LOC128092253: variants seen among roughly 807,000 people sequenced by gnomAD.
chr6:133,963,289 G>A, the LOC128092253 span, among the ~76,000 whole-genome samples: 1 of 152,198 alleles, frequency 6.6e-6, no homozygotes, highest in South Asian at 2.1e-4. Context: ...CAACCCAGTC[G>A]TTCTCAACTG....
At chr6:133,977,730 G>A in the LOC128092253 span, among the ~76,000 whole-genome samples, 1 of 152,098 alleles carries the variant, frequency 6.6e-6, no homozygotes, top group Admixed American at 6.5e-5. Context: ...ATACTCATGA[G>A]GTCTAGAATT....
the LOC128092253 span, among the ~76,000 whole-genome samples, chr6:133,959,103 C>G: frequency 6.6e-6 from 1 of 151,850 alleles, no homozygotes. Context: ...GCGGTGGTGG[C>G]ATCTCAGCTC....
the LOC128092253 span, among the ~76,000 whole-genome samples, chr6:133,956,949 A>G: frequency 6.6e-6 from 1 of 152,198 alleles, no homozygotes; most frequent in East Asian, 1.9e-4. Flanking sequence ...TGATTTTTGT[A>G]TTATTAACCA....
chr6:133,968,454 C>T, the LOC128092253 span, among the ~76,000 whole-genome samples: 5 of 152,146 alleles, frequency 3.3e-5, no homozygotes, highest in African/African-American at 1.2e-4. Flanking sequence ...TTTCCTTTAT[C>T]CACAATAGTA....
chr6:133,956,502 G>T, the LOC128092253 span, among the ~76,000 whole-genome samples: 1 of 152,160 alleles, frequency 6.6e-6, no homozygotes, highest in East Asian at 1.9e-4. Context: ...CACTATTGGT[G>T]AATGGACTTC....
At chr6:133,971,635 G>A in the LOC128092253 span, among the ~76,000 whole-genome samples, 1 of 152,024 alleles carries the variant, frequency 6.6e-6, no homozygotes, top group East Asian at 1.9e-4. Flanking sequence ...TCTACCTGGA[G>A]TGAGGTGGTA....
chr6:133,958,982 C>A, the LOC128092253 span, among the ~76,000 whole-genome samples: 4 of 152,012 alleles, frequency 2.6e-5, no homozygotes, highest in Admixed American at 1.3e-4. Context: ...GACTGTTGCA[C>A]CAAATAGATA....
At chr6:133,975,835 GTTGTA>G in the LOC128092253 span, among the ~76,000 whole-genome samples, 1 of 152,184 alleles carries the variant, frequency 6.6e-6, no homozygotes, top group Non-Finnish European at 1.5e-5. Flanking sequence ...GGAGGCATCA[GTTGTA>G]TTGTAATGTT....
chr6:133,968,011 C>CTTT, the LOC128092253 span, among the ~76,000 whole-genome samples: 22 of 136,088 alleles, frequency 1.6e-4, no homozygotes, highest in African/African-American at 5.6e-4. Context: ...TGACTATTTT[C>CTTT]TTTTTTTTTT....
At chr6:133,958,213 G>C in the LOC128092253 span, among the ~76,000 whole-genome samples, 1 of 152,130 alleles carries the variant, frequency 6.6e-6, no homozygotes, top group African/African-American at 2.4e-5. Flanking sequence ...TTAGCTGTAT[G>C]ATACTTCTGA....
At chr6:133,976,891 C>T in the LOC128092253 span, among the ~76,000 whole-genome samples, 1 of 151,598 alleles carries the variant, frequency 6.6e-6, no homozygotes, top group Non-Finnish European at 1.5e-5. Context: ...TTGCTTGAAT[C>T]CAGGAGGCGG....
At chr6:133,973,093 G>T in the LOC128092253 span, among the ~76,000 whole-genome samples, 1 of 152,218 alleles carries the variant, frequency 6.6e-6, no homozygotes, top group Non-Finnish European at 1.5e-5. Context: ...CTAGGCATGT[G>T]TTGAGAGACT....
At chr6:133,968,312 A>C in the LOC128092253 span, among the ~76,000 whole-genome samples, 2 of 152,200 alleles carry the variant, frequency 1.3e-5, no homozygotes, top group Non-Finnish European at 2.9e-5. Context: ...ATACTTAGAC[A>C]GTTTATCTGA....
the LOC128092253 span, among the ~76,000 whole-genome samples, chr6:133,972,876 C>A: frequency 1.3e-5 from 2 of 152,098 alleles, no homozygotes; most frequent in African/African-American, 4.8e-5. Context: ...CTTAAAAGCA[C>A]CCTGTGAGGT....
the LOC128092253 span, among the ~76,000 whole-genome samples, chr6:133,971,522 A>G: frequency 0.01 from 1,551 of 152,250 alleles, 15 homozygotes; most frequent in South Asian, 0.014. Flanking sequence ...TGAGTTTACT[A>G]TCCTACCAAC....
chr6:133,970,187 G>T, the LOC128092253 span, among the ~76,000 whole-genome samples: 1 of 152,138 alleles, frequency 6.6e-6, no homozygotes, highest in Non-Finnish European at 1.5e-5. Flanking sequence ...TTTTTATTCA[G>T]TTGAGAACAA....
the LOC128092253 span, among the ~76,000 whole-genome samples, chr6:133,955,945 A>G: frequency 1.3e-5 from 2 of 152,264 alleles, no homozygotes; most frequent in Non-Finnish European, 2.9e-5. Context: ...AGAATTTGCT[A>G]TGAAGTAGAA....
At chr6:133,974,954 T>G in the LOC128092253 span, among the ~76,000 whole-genome samples, 1 of 152,192 alleles carries the variant, frequency 6.6e-6, no homozygotes, top group Non-Finnish European at 1.5e-5. Context: ...CAGTCACACC[T>G]AAGACACTGG....
chr6:133,973,817 C>T, the LOC128092253 span, among the ~76,000 whole-genome samples: 7 of 152,092 alleles, frequency 4.6e-5, no homozygotes, highest in African/African-American at 1.7e-4. Flanking sequence ...ACAAATCACA[C>T]TAAGCCATTT....
Sources: gnomAD v4.1 joint callset for allele counts (sites outside exome capture counted in the v4.1 genomes callset) on GRCh38, gnomAD v4.1.1 for gene constraint, MANE v1.5 for transcripts.